The following MOK variants were observed in gnomAD, a reference collection of about 807,000 sequenced individuals.
MOK encodes the protein MOK protein kinase, also known as MAPK/MAK/MRK overlapping kinase.
MOK carries 59 observed loss-of-function variants against 54.2 expected under a neutral mutation model. That is an observed-to-expected ratio of 1.09 (90% CI 0.88 to 1.35). The LOEUF is 1.35. Among genes scored for constraint, MOK ranks in the 40% most tolerant of loss-of-function variants. MOK has a pLI of 0.00. For missense variants in MOK, 517 were observed against 526.2 expected (o/e 0.98, Z 0.17); for synonymous variants, 210 against 202.7 (o/e 1.04, Z -0.31).
intron 3 of MOK, 175 bp from the exon 4 acceptor site, chr14:102,263,791 A>G (rs1475351241): frequency 2.3e-6 from 1 of 430,998 alleles, no homozygotes; most frequent in African/African-American, 2.0e-5. Flanking sequence ...TATTTCAGAT[A>G]AAATTAACTA....
At chr14:102,277,721 T>C (rs2069009794) in intron 2 of MOK, among the ~76,000 whole-genome samples, 1 of 152,106 alleles carries the variant, frequency 6.6e-6, no homozygotes, top group Non-Finnish European at 1.5e-5. Flanking sequence ...ATACTAGTGA[T>C]TGCCTGGGAT....
At chr14:102,267,056 G>T (rs1460123667) in intron 2 of MOK, among the ~76,000 whole-genome samples, 6 of 152,292 alleles carry the variant, frequency 3.9e-5, no homozygotes, top group African/African-American at 1.4e-4. Flanking sequence ...TTTTGAGAAT[G>T]CCACTTCACC....
chr14:102,275,456 C>T (rs868330832), intron 2 of MOK, among the ~76,000 whole-genome samples: 66 of 149,916 alleles, frequency 4.4e-4, no homozygotes, highest in Middle Eastern at 3.5e-3. Context: ...CCCAGCTACT[C>T]GGGAGGCTGA....
chr14:102,295,970 G>A (rs2071375407), intron 1 of MOK, among the ~76,000 whole-genome samples: 1 of 152,100 alleles, frequency 6.6e-6, no homozygotes, highest in Non-Finnish European at 1.5e-5. Context: ...ACCTGGCTAG[G>A]CATAGTGGCT....
chr14:102,226,535 A>G (rs2064252298), downstream of MOK: 2 of 684,326 alleles, frequency 2.9e-6, no homozygotes, highest in Non-Finnish European at 2.7e-6. This position sits in a 1 kb window ranked among gnomAD's most constrained non-coding sequence, Gnocchi z 4.8. Flanking sequence ...GCAGCAGGGC[A>G]AGGTGGCCTC....
At chr14:102,219,540 G>A (rs541621113), downstream of MOK, among the ~76,000 whole-genome samples, 9 of 152,346 alleles carry the variant, frequency 5.9e-5, no homozygotes, top group South Asian at 1.9e-3. Context: ...ACTGGAGGCC[G>A]GGCCCTTTGG....
Position 102,229,356 on chromosome 14 carries a change from T to C in MOK, c.1193A>G (p.Gln398Arg), listed in dbSNP as rs2236493. Residue 398 changes from glutamine (Q) to arginine (R), a missense_variant, in exon 12 of 12, where the codon CAG (glutamine) becomes CGG (arginine). By Grantham distance (43) the Gln-to-Arg change is conservative. Transcript: ENST00000361847. ...CTGCGGGGCAGGCTTAAGGTCCTTC[T>C]GCGGATCTGTCTGTCAAAGAAAAAT... ...CIPASKKTDP[Q>R]KDLKPAPQQC... The C allele has an allele frequency of 0.22, 353,901 of 1,613,814 alleles. 43,138 individuals are homozygous for C. The highest frequency in any genetic ancestry group is 0.52 in the African/African-American group (39,308 of 74,996).
chr14:102,250,764 T>G (rs201272647), intron 7 of MOK, 48 bp downstream of exon 7: 1 of 1,580,942 alleles, frequency 6.3e-7, no homozygotes, highest in African/African-American at 1.4e-5. Flanking sequence ...GCCTGGCTGC[T>G]GCACCGCTCC....
chr14:102,229,255 T>C lies in MOK; in HGVS notation c.*34A>G, dbSNP rs1327515163. ...AGGCCTGGCCCGGTCGGGCTTGGTG[T>C]TGCCTCCGAAGTCGAGACGACGGTG... On this transcript the variant is annotated 3_prime_UTR_variant, in exon 12 of 12. Transcript: ENST00000361847. 2 of 1,556,890 alleles carry C rather than the reference T, an allele frequency of 1.3e-6. No individual in the cohort carries two copies. The highest frequency in any genetic ancestry group is 1.7e-6 in the Non-Finnish European group (2 of 1,148,456).
intron 1 of MOK, among the ~76,000 whole-genome samples, chr14:102,300,408 G>C (rs1297676513): frequency 6.6e-6 from 1 of 151,756 alleles, no homozygotes; most frequent in Non-Finnish European, 1.5e-5. Flanking sequence ...AATTAGCTGG[G>C]CGAGGAGGCA....
chr14:102,269,372 G>A (rs915572646), intron 2 of MOK, among the ~76,000 whole-genome samples: 2 of 151,404 alleles, frequency 1.3e-5, no homozygotes, highest in African/African-American at 4.9e-5. Context: ...TTTTAGTAGA[G>A]ATGAGGTTTC....
intron 1 of MOK, among the ~76,000 whole-genome samples, chr14:102,287,204 C>G (rs1045402073): frequency 6.6e-6 from 1 of 152,208 alleles, no homozygotes; most frequent in Non-Finnish European, 1.5e-5. Flanking sequence ...CGTGGTGGCT[C>G]ACGCCTGTCA....
intron 7 of MOK, among the ~76,000 whole-genome samples, chr14:102,239,311 C>A (rs928065513): frequency 2.9e-5 from 4 of 135,922 alleles, no homozygotes; most frequent in Admixed American, 1.4e-4. Flanking sequence ...CTCTAGCCAG[C>A]GTCAGAGCCA....
At chr14:102,278,099 C>A (rs980936663) in intron 2 of MOK, among the ~76,000 whole-genome samples, 3 of 152,152 alleles carry the variant, frequency 2.0e-5, no homozygotes, top group Non-Finnish European at 4.4e-5. Context: ...AAGAAGAGGG[C>A]CACCTGCAAA....
chr14:102,232,061 C>T lies in MOK; in HGVS notation c.867-240G>A. 1 of 450,002 alleles carries T rather than the reference C, an allele frequency of 2.2e-6. No individual in the cohort carries two copies. The highest frequency in any genetic ancestry group is 4.0e-6 in the Non-Finnish European group (1 of 253,006). 27.9% of individuals were successfully genotyped at this position (450,002 alleles called of 1,614,324 possible). A position where few individuals can be genotyped will look rare whatever the true frequency, so the allele number is the denominator to read the frequency against. On this transcript the variant is annotated intron_variant, in intron 9 of 11. Coordinates refer to ENST00000361847, the MANE Select transcript of MOK (RefSeq NM_014226.3). This position sits in a 1 kb window ranked among gnomAD's most constrained non-coding sequence, Gnocchi z 5.1. Reference sequence around the variant, plus strand: ...CTGCCTACCCAGGGACTCGCAGTTTCAGATCAAACTGTCACCTCCACAGTT... The same window carrying T: ...CTGCCTACCCAGGGACTCGCAGTTTTAGATCAAACTGTCACCTCCACAGTT...
At chr14:102,277,376 A>G (rs2068973410) in intron 2 of MOK, 1 of 152,240 alleles carries the variant, frequency 6.6e-6, no homozygotes, top group Non-Finnish European at 1.5e-5. Context: ...TAATCCCAGC[A>G]CTTTGGGAGG....
Position 102,233,711 on chromosome 14 carries a change from C to A in MOK, c.669G>T (p.Gln223His). ...ACTGTTTGAACTTGGTGAGGATCTT[C>A]TGAGCGGGTGTGCCGATGACATCGT... ...KIHDVIGTPA[Q>H]KILTKFKQSR... Residue 223 changes from glutamine (Q) to histidine (H), a missense_variant, in exon 8 of 12, where the codon CAG becomes CAT. Physicochemically the swap from Gln to His is conservative, Grantham distance 24. Coordinates refer to ENST00000361847, the MANE Select transcript of MOK (RefSeq NM_014226.3). 1 of 1,613,838 alleles carries A rather than the reference C, an allele frequency of 6.2e-7. No homozygotes were observed. The highest frequency in any genetic ancestry group is 8.5e-7 in the Non-Finnish European group (1 of 1,179,696).
chr14:102,304,437 A>G (rs1234729213), intron 1 of MOK, among the ~76,000 whole-genome samples: 1 of 152,164 alleles, frequency 6.6e-6, no homozygotes. Flanking sequence ...CAAAACTACT[A>G]TTAAAAAGTG....
intron 3 of MOK, 45 bp downstream of exon 3, chr14:102,265,778 T>C (rs778872864): frequency 6.7e-7 from 1 of 1,482,866 alleles, no homozygotes; most frequent in South Asian, 1.1e-5. Flanking sequence ...AAAGAGATTA[T>C]TTTCATCAAA....
Sources: gnomAD v4.1 joint callset for allele counts (sites outside exome capture counted in the v4.1 genomes callset) on GRCh38, gnomAD v4.1.1 for gene constraint, Gnocchi (gnomAD v3.1) non-coding constraint, MANE v1.5 for transcripts, NCBI Gene and HGNC (gene_info 2026-07-23, HGNC 2026-07-21) for gene names.